The following CTCFL variants were observed in gnomAD, a reference collection of about 807,000 sequenced individuals.
CTCFL encodes the protein transcriptional repressor CTCFL.
Under a neutral mutation model 67.4 loss-of-function variants are expected in CTCFL, and 36 were observed. The ratio of observed to expected loss-of-function variants is 0.53; its 90% CI spans 0.41 to 0.71. The LOEUF is 0.71. Among genes scored for constraint, CTCFL ranks in the 30% least tolerant of loss-of-function variants. CTCFL has a pLI of 0.00. For synonymous variants in CTCFL, 324 were observed against 302.3 expected (o/e 1.07, Z -0.75); for missense variants, 786 against 835.2 (o/e 0.94, Z 0.73).
intron 3 of CTCFL, among the ~76,000 whole-genome samples, chr20:57,522,124 A>G (rs933383727): frequency 2.0e-5 from 3 of 152,210 alleles, no homozygotes; most frequent in African/African-American, 7.2e-5. Flanking sequence ...AAAGGCTGCA[A>G]ACTCAACCAC....
At chr20:57,505,551 C>T (rs527862678) in intron 9 of CTCFL, among the ~76,000 whole-genome samples, 3 of 152,320 alleles carry the variant, frequency 2.0e-5, no homozygotes, top group South Asian at 2.1e-4. Flanking sequence ...CCACCGCGCC[C>T]GGCCTTAAAA....
intron 10 of CTCFL, among the ~76,000 whole-genome samples, chr20:57,498,931 TGG>T (rs1418584135): frequency 2.6e-5 from 4 of 152,086 alleles, no homozygotes; most frequent in Non-Finnish European, 5.9e-5. Context: ...AGCTGTCTGC[TGG>T]GGGCAGGGCG....
chr20:57,521,423 G>T (rs975579702), intron 3 of CTCFL, among the ~76,000 whole-genome samples: 1 of 152,214 alleles, frequency 6.6e-6, no homozygotes, highest in East Asian at 1.9e-4. Context: ...GAAAACAAGC[G>T]TTGGTGAGGA....
At chr20:57,519,583 G>T (rs1186258596) in intron 3 of CTCFL, among the ~76,000 whole-genome samples, 1 of 152,174 alleles carries the variant, frequency 6.6e-6, no homozygotes, top group Non-Finnish European at 1.5e-5. Context: ...AAGATGGGCC[G>T]ATGTCTGTTT....
intron 10 of CTCFL, among the ~76,000 whole-genome samples, chr20:57,501,069 T>C (rs1384699003): frequency 6.6e-6 from 1 of 152,210 alleles, no homozygotes; most frequent in Non-Finnish European, 1.5e-5. Flanking sequence ...TTCACCGGTC[T>C]GTCTTCTCCA....
intron 9 of CTCFL, 55 bp downstream of exon 9, chr20:57,508,550 TC>T: frequency 6.5e-7 from 1 of 1,545,158 alleles, no homozygotes; most frequent in African/African-American, 1.4e-5. Context: ...GACACTGTCC[TC>T]CTGAGATAGA....
intron 3 of CTCFL, among the ~76,000 whole-genome samples, chr20:57,521,466 G>A (rs940445121): frequency 1.3e-5 from 2 of 152,226 alleles, no homozygotes; most frequent in African/African-American, 4.8e-5. Flanking sequence ...CACACTGCTG[G>A]TGCAAATTCA....
At chr20:57,500,239 C>T in intron 10 of CTCFL, 1 of 1,038,404 alleles carries the variant, frequency 9.6e-7, no homozygotes, top group Non-Finnish European at 1.2e-6. Context: ...CCGAGGCGGG[C>T]AGATCACTTG....
At chr20:57,506,691 C>A (rs188178073) in intron 9 of CTCFL, 1 of 561,492 alleles carries the variant, frequency 1.8e-6, no homozygotes, top group African/African-American at 2.0e-5. Flanking sequence ...TCCAAATATG[C>A]TTTCTTGAAT....
At chr20:57,502,530 T>C (rs1266920014) in intron 10 of CTCFL, among the ~76,000 whole-genome samples, 1 of 148,898 alleles carries the variant, frequency 6.7e-6, no homozygotes, top group African/African-American at 2.6e-5. Flanking sequence ...AGGGACTGAG[T>C]CTGGAATGAG....
Position 57,524,252 on chromosome 20 carries a change from G to A in CTCFL, c.-11-36C>T, listed in dbSNP as rs199910248. 2.0e-4 allele frequency: 315 copies of A among 1,568,618 alleles called. No individual in the cohort carries two copies. In the African/African-American group the frequency reaches 4.0e-3, roughly 20 times the overall value. On this transcript the variant is annotated intron_variant, in intron 1 of 10. Transcript: ENST00000243914. ...AATAAGCAAGCGGTTTCCATAGGGG[G>A]GAGAAGGGGGTGGTATGAGGAGGGA...
In CTCFL at chr20:57,519,248, C is replaced by G. The variant is rs754194450; in HGVS notation, c.884G>C (p.Arg295Pro). 10 of 1,614,024 alleles carry G rather than the reference C, an allele frequency of 6.2e-6. No individual in the cohort carries two copies. The highest frequency in any genetic ancestry group is 7.6e-6 in the Non-Finnish European group (9 of 1,180,044). Reference sequence around the variant, plus strand: ...ATGGTTCCGCAGCAGAGTGACCGTACGGAAGGTTTTCAGGCAGAGGTGACA... The same window carrying G: ...ATGGTTCCGCAGCAGAGTGACCGTAGGGAAGGTTTTCAGGCAGAGGTGACA... Reference protein sequence around the residue: ...HLCHLCLKTFRTVTLLRNHVN... With the variant: ...HLCHLCLKTFPTVTLLRNHVN... Residue 295 changes from arginine to proline, a missense_variant, in exon 4 of 11, where the codon CGT (arginine) becomes CCT (proline). Coordinates refer to ENST00000243914, the MANE Select transcript of CTCFL (RefSeq NM_001386993.1).
rs2069513208 is a variant in CTCFL, at chr20:57,523,085, T to C, written c.737A>G (p.Asn246Ser). 6.2e-7 allele frequency: 1 copy of C among 1,613,628 alleles called. No homozygotes were observed. Among genetic ancestry groups the C allele is most frequent in the Non-Finnish European group, 8.5e-7 (1 of 1,179,808 alleles). The change falls in exon 3 of 11, where the codon AAT (asparagine) becomes AGT (serine). Residue 246 changes from asparagine (N) to serine (S), a missense_variant. Asn to Ser is a conservative substitution (Grantham distance 46). This residue lies in a region of CTCFL where 333 missense variants were observed against 304.6 expected (regional missense o/e 1.09). Coordinates refer to ENST00000243914, the MANE Select transcript of CTCFL (RefSeq NM_001386993.1). ...TGGCCTACCCTTTGTCTTTCTTTGATTTTTTGTAGATTTGGCCTTTTCAGC... is the reference window on the plus strand; with the variant it reads ...TGGCCTACCCTTTGTCTTTCTTTGACTTTTTGTAGATTTGGCCTTTTCAGC... ...ADAEKAKSTK[N>S]QRKTKGAKGT...
intron 8 of CTCFL, 119 bp downstream of exon 8, chr20:57,512,473 A>G: frequency 1.0e-6 from 1 of 980,990 alleles, no homozygotes; most frequent in Non-Finnish European, 1.5e-6. Flanking sequence ...GTTATTCTGA[A>G]TAGGCTACTC....
At chr20:57,506,684 A>C (rs1443380133) in intron 9 of CTCFL, 1 of 507,772 alleles carries the variant, frequency 2.0e-6, no homozygotes, top group African/African-American at 2.1e-5. Context: ...ACACAAGTCC[A>C]AATATGCTTT....
intron 10 of CTCFL, chr20:57,500,316 G>A (rs1399639925): frequency 9.2e-6 from 5 of 546,256 alleles, no homozygotes; most frequent in Non-Finnish European, 1.1e-5. Context: ...TTAGCCAGGC[G>A]TGGTGGCGGG....
At chr20:57,515,978 T>C in intron 5 of CTCFL, 144 bp from the exon 6 acceptor site, 1 of 945,862 alleles carries the variant, frequency 1.1e-6, no homozygotes, top group South Asian at 1.7e-5. Context: ...TGAAAAAACA[T>C]GAAAAAGTCA....
At chr20:57,516,475 C>T (rs765920867) in intron 5 of CTCFL, among the ~76,000 whole-genome samples, 13 of 151,794 alleles carry the variant, frequency 8.6e-5, no homozygotes, top group African/African-American at 2.2e-4. Flanking sequence ...AGGCTGAGGC[C>T]GCAAAGAGCC....
intron 10 of CTCFL, among the ~76,000 whole-genome samples, chr20:57,500,860 C>A (rs1455170036): frequency 6.6e-6 from 1 of 152,054 alleles, no homozygotes; most frequent in Non-Finnish European, 1.5e-5. Context: ...AAACCAAAAC[C>A]AAACAAAAAC....
Sources: gnomAD v4.1 joint callset for allele counts (sites outside exome capture counted in the v4.1 genomes callset) on GRCh38, gnomAD v4.1.1 for gene constraint, gnomAD v4.1.1 regional missense constraint, MANE v1.5 for transcripts, NCBI Gene and HGNC (gene_info 2026-07-23, HGNC 2026-07-21) for gene names.